CSMD3: variants seen among roughly 807,000 people sequenced by gnomAD.
CSMD3 encodes CUB and Sushi multiple domains 3, also known as CUB and sushi domain-containing protein 3.
A neutral mutation model predicts 435.2 loss-of-function variants in CSMD3; 177 were observed. That is an observed-to-expected ratio of 0.41 (90% confidence interval 0.36 to 0.46). CSMD3 has a LOEUF of 0.46. Among genes scored for constraint, CSMD3 ranks in the 20% least tolerant of loss-of-function variants. The probability of loss-of-function intolerance (pLI) is 0.34; values close to 1 mark genes in which losing one functional copy is unlikely to be tolerated. For missense variants in CSMD3, 4,265 were observed against 4,504.6 expected, an observed-to-expected ratio of 0.95 and a Z score of 1.52; for synonymous variants, 1,656 against 1,520.5, an observed-to-expected ratio of 1.09 and a Z score of -2.07.
At chr8:112,400,890 C>T (rs1422642582) in intron 35 of CSMD3, among the ~76,000 whole-genome samples, 5 of 152,116 alleles carry the variant, frequency 3.3e-5, no homozygotes, top group Admixed American at 6.5e-5. Context: ...CAGTTTCAGA[C>T]ACAAATGGTT....
rs146478720 is a variant in CSMD3 at position 112,888,208 on chromosome 8, G to C, written c.1634-28942C>G. Among the ~76,000 whole-genome samples, 130 of 151,740 alleles carry C rather than the reference G, an allele frequency of 8.6e-4. 1 individual carries two copies. In the East Asian group the frequency reaches 0.023, roughly 26 times the overall value. On this transcript the variant is annotated intron_variant, in intron 10 of 70. Coordinates refer to ENST00000297405, the MANE Select transcript of CSMD3 (RefSeq NM_198123.2). ...GCCATACACAGAAACAAGTGGAAAT[G>C]AAACAGAGATGTTTGCTATCCTTGT... is the stretch of plus-strand genomic sequence containing the variant.
chr8:112,741,300 C>T (rs954737150), intron 13 of CSMD3, among the ~76,000 whole-genome samples: 5 of 151,872 alleles, frequency 3.3e-5, no homozygotes, highest in African/African-American at 9.7e-5. Context: ...AGAGACTTAA[C>T]TAGACATTTC....
At chr8:113,264,012 T>C (rs2093448183) in intron 3 of CSMD3, among the ~76,000 whole-genome samples, 1 of 151,466 alleles carries the variant, frequency 6.6e-6, no homozygotes, top group Non-Finnish European at 1.5e-5. Context: ...TACTTTATTT[T>C]TTCTGATACT....
At position 112,786,900 on chromosome 8, in the gene CSMD3, C is replaced by T. The variant is rs567045883; in HGVS notation, c.1972+13262G>A. Among the ~76,000 whole-genome samples, 26 of 152,142 alleles carry T rather than the reference C, an allele frequency of 1.7e-4. No individual in the cohort carries two copies. In the South Asian group the frequency reaches 3.9e-3, roughly 23 times the overall value. ...TATCCCTCCCTAGCCCCTCACCTCC[C>T]GACAGGCCCTGGTGTGTGATGTCCT... On this transcript the variant is annotated intron_variant, in intron 13 of 70. Transcript: ENST00000297405.
At chr8:112,852,917 A>G (rs377231140) in intron 11 of CSMD3, among the ~76,000 whole-genome samples, 3 of 73,762 alleles carry the variant, frequency 4.1e-5, no homozygotes, top group African/African-American at 1.6e-4. Flanking sequence ...GTGAGACTCC[A>G]CCTCAAAAAT....
At chr8:113,075,972 A>G (rs17662060) in intron 5 of CSMD3, among the ~76,000 whole-genome samples, 14,414 of 151,848 alleles carry the variant, frequency 0.095, 882 homozygotes, top group Middle Eastern at 0.17. Flanking sequence ...AAAAAATTCA[A>G]TCAAGCAGTC....
chr8:112,494,494 CCTTTCTTTCTTTCTTTCTTTCTTT>C lies in CSMD3; in HGVS notation c.5084-1835_5084-1812del, dbSNP rs66517203. ...TTTCTTTTCTTTTGTTTCTTTCTCTCCTTTCTTTCTTTCTTTCTTTCTTTCTTTCTTTCTTTCTTTCTTTCTTTC... is the reference window on the plus strand; with the variant it reads ...TTTCTTTTCTTTTGTTTCTTTCTCTCCTTTCTTTCTTTCTTTCTTTCTTTC... On this transcript the variant is annotated intron_variant, in intron 30 of 70. Coordinates refer to ENST00000297405, the MANE Select transcript of CSMD3 (RefSeq NM_198123.2). Among the ~76,000 whole-genome samples the C allele has an allele frequency of 3.7e-3, 150 of 40,218 alleles. 5 individuals are homozygous for C. The highest frequency in any genetic ancestry group is 0.022 in the South Asian group (32 of 1,480). The allele number at this position is 40,218 out of a possible 152,430, so 26.4% of individuals were successfully genotyped here. A position where few individuals can be genotyped will look rare whatever the true frequency, so the allele number is the denominator to read the frequency against.
intron 3 of CSMD3, among the ~76,000 whole-genome samples, chr8:113,221,713 C>T (rs981960747): frequency 6.6e-6 from 1 of 151,138 alleles, no homozygotes; most frequent in Admixed American, 6.6e-5. Context: ...ACATATTTTG[C>T]CCCTTATTTC....
At chr8:112,593,617 C>T (rs1831392079) in intron 22 of CSMD3, among the ~76,000 whole-genome samples, 1 of 152,018 alleles carries the variant, frequency 6.6e-6, no homozygotes, top group South Asian at 2.1e-4. Context: ...AGAATACACA[C>T]ATATATATGT....
chr8:113,213,467 C>T (rs776044409), intron 3 of CSMD3, among the ~76,000 whole-genome samples: 2 of 151,734 alleles, frequency 1.3e-5, no homozygotes, highest in African/African-American at 4.8e-5. Context: ...AGAGGACAAC[C>T]GTACCCAAAT....
chr8:113,381,902 T>A (rs1362590761), intron 1 of CSMD3, among the ~76,000 whole-genome samples: 9 of 152,198 alleles, frequency 5.9e-5, no homozygotes, highest in Admixed American at 2.6e-4. Context: ...AACTTTGGAA[T>A]TCTTATGACT....
intron 63 of CSMD3, among the ~76,000 whole-genome samples, chr8:112,253,979 C>G (rs1448447956): frequency 6.6e-6 from 1 of 151,950 alleles, no homozygotes; most frequent in African/African-American, 2.4e-5. Flanking sequence ...TTATATATAA[C>G]TCTCTAATGC....
chr8:113,151,602 A>C (rs16884363), intron 4 of CSMD3, among the ~76,000 whole-genome samples: 22,995 of 151,946 alleles, frequency 0.15, 3,366 homozygotes, highest in African/African-American at 0.38. Flanking sequence ...TATTTGCTTG[A>C]TTTTAAAATA....
At chr8:112,890,845 T>C (rs1051436543) in intron 10 of CSMD3, among the ~76,000 whole-genome samples, 2 of 151,652 alleles carry the variant, frequency 1.3e-5, no homozygotes, top group Admixed American at 6.6e-5. Context: ...GAGAAAGTTA[T>C]AGTATAAATG....
At chr8:113,022,745 T>A (rs2086727447) in intron 5 of CSMD3, among the ~76,000 whole-genome samples, 1 of 151,592 alleles carries the variant, frequency 6.6e-6, no homozygotes, top group South Asian at 2.1e-4. Flanking sequence ...TCAGAAAATT[T>A]GACGTGTCTC....
At chr8:113,093,764 C>G (rs943874379) in intron 5 of CSMD3, among the ~76,000 whole-genome samples, 1 of 151,872 alleles carries the variant, frequency 6.6e-6, no homozygotes, top group Non-Finnish European at 1.5e-5. Flanking sequence ...TTATTTTAAC[C>G]AACTAATAAA....
At chr8:112,303,985 T>C (rs575238399) in intron 52 of CSMD3, among the ~76,000 whole-genome samples, 1 of 152,272 alleles carries the variant, frequency 6.6e-6, no homozygotes, top group Admixed American at 6.5e-5. Context: ...AATAAATGAA[T>C]GTAAGAAAGG....
intron 64 of CSMD3, among the ~76,000 whole-genome samples, chr8:112,246,158 T>A (rs146184594): frequency 6.6e-6 from 1 of 152,190 alleles, no homozygotes; most frequent in African/African-American, 2.4e-5. Context: ...ACAAGGCACA[T>A]AACATGGCAT....
intron 17 of CSMD3, among the ~76,000 whole-genome samples, chr8:112,665,059 G>A (rs2075487613): frequency 6.6e-6 from 1 of 152,076 alleles, no homozygotes. Context: ...ACCTAACTAA[G>A]AGTATAATCT....
Sources: gnomAD v4.1 joint callset for allele counts (sites outside exome capture counted in the v4.1 genomes callset) on GRCh38, gnomAD v4.1.1 for gene constraint, MANE v1.5 for transcripts, NCBI Gene and HGNC (gene_info 2026-07-23, HGNC 2026-07-21) for gene names.